The following PRKN variants were observed in gnomAD, a reference collection of about 807,000 sequenced individuals.
PRKN encodes the protein parkin RBR E3 ubiquitin protein ligase.
PRKN carries 56 observed loss-of-function variants against 59.5 expected under a neutral mutation model. That is an observed-to-expected ratio of 0.94 (90% CI 0.76 to 1.18). The LOEUF (loss-of-function observed/expected upper bound fraction) is 1.18, where lower values mean the gene tolerates loss of function less well. Among genes scored for constraint, PRKN ranks in the 50% most tolerant of loss-of-function variants. The pLI, the probability that PRKN is intolerant of heterozygous loss-of-function variation, is 0.00. For synonymous variants in PRKN, 250 were observed against 222.1 expected, an observed-to-expected ratio of 1.13 and a Z score of -1.12; for missense variants, 657 against 596.4, an observed-to-expected ratio of 1.10 and a Z score of -1.06.
In PRKN at chr6:162,258,995, AG is replaced by A. The variant is rs552551151; in HGVS notation, c.412+3529del. Among the ~76,000 whole-genome samples, 25 of 152,314 alleles carry A rather than the reference AG, an allele frequency of 1.6e-4. 1 individual carries two copies. In the South Asian group the frequency reaches 1.9e-3, roughly 11 times the overall value. ...TCGACAACATATGAGGCTACAGCCC[AG>A]CTATTCACCCATTAGAGCCCTCCCA... On this transcript the variant is annotated intron_variant, in intron 3 of 11. Coordinates refer to ENST00000366898, the MANE Select transcript of PRKN (RefSeq NM_004562.3).
intron 3 of PRKN, among the ~76,000 whole-genome samples, chr6:162,227,523 A>T (rs943984539): frequency 6.6e-6 from 1 of 152,132 alleles, no homozygotes; most frequent in South Asian, 2.1e-4. Context: ...GACACCCACA[A>T]ACACTTGTTT....
intron 1 of PRKN, among the ~76,000 whole-genome samples, chr6:162,706,509 A>C (rs976177397): frequency 1.3e-5 from 2 of 152,172 alleles, no homozygotes; most frequent in Non-Finnish European, 2.9e-5. Flanking sequence ...AAATAAGAGA[A>C]TTGGGGAAAT....
intron 2 of PRKN, among the ~76,000 whole-genome samples, chr6:162,327,637 T>C (rs1406594794): frequency 7.6e-6 from 1 of 130,890 alleles, no homozygotes; most frequent in East Asian, 2.0e-4. Context: ...ACAATGGTCT[T>C]CTCTACAGTT....
intron 6 of PRKN, among the ~76,000 whole-genome samples, chr6:161,803,318 A>G (rs1791168754): frequency 6.6e-6 from 1 of 152,066 alleles, no homozygotes; most frequent in Non-Finnish European, 1.5e-5. Context: ...TTTCCTGTCT[A>G]TTTCATTCTC....
intron 5 of PRKN, among the ~76,000 whole-genome samples, chr6:162,042,046 T>C (rs1214272303): frequency 6.6e-6 from 1 of 152,058 alleles, no homozygotes; most frequent in Non-Finnish European, 1.5e-5. Context: ...TTAGTTCTCA[T>C]GGAGCCATAG....
At chr6:162,087,626 G>A (rs954358915) in intron 4 of PRKN, among the ~76,000 whole-genome samples, 3 of 119,190 alleles carry the variant, frequency 2.5e-5, no homozygotes, top group Admixed American at 1.1e-4. Context: ...ACGGAGTCTC[G>A]CTCCGTCACC....
At chr6:161,755,383 C>T (rs1305761749) in intron 7 of PRKN, among the ~76,000 whole-genome samples, 1 of 151,986 alleles carries the variant, frequency 6.6e-6, no homozygotes, top group Admixed American at 6.6e-5. Flanking sequence ...ATCATCACTC[C>T]CAGATAGTTC....
intron 1 of PRKN, among the ~76,000 whole-genome samples, chr6:162,456,041 A>G (rs573062701): frequency 6.6e-6 from 1 of 152,284 alleles, no homozygotes; most frequent in Non-Finnish European, 1.5e-5. Flanking sequence ...AGATGGATTC[A>G]ATTGGGTTAT....
At chr6:161,778,222 T>A (rs1790043019) in intron 7 of PRKN, among the ~76,000 whole-genome samples, 1 of 152,088 alleles carries the variant, frequency 6.6e-6, no homozygotes, top group African/African-American at 2.4e-5. Context: ...TTTGTGGTGA[T>A]CAAAGTCCTT....
Position 161,957,715 on chromosome 6 carries a change from G to A in PRKN, c.734+15587C>T, listed in dbSNP as rs77138884. On this transcript the variant is annotated intron_variant, in intron 6 of 11. Coordinates refer to ENST00000366898, the MANE Select transcript of PRKN (RefSeq NM_004562.3). Reference sequence around the variant, plus strand: ...TGGGATTACAGGCGTGAGTCACCGCGCCCAGCCCATGTCTTCTCTTGATTT... The same window carrying A: ...TGGGATTACAGGCGTGAGTCACCGCACCCAGCCCATGTCTTCTCTTGATTT... 1.2e-4 allele frequency among the ~76,000 whole-genome samples: 18 copies of A among 152,154 alleles called. No homozygotes were observed. In the East Asian group the frequency reaches 2.3e-3, roughly 20 times the overall value.
intron 9 of PRKN, among the ~76,000 whole-genome samples, chr6:161,420,148 G>T (rs541851044): frequency 6.6e-6 from 1 of 150,660 alleles, no homozygotes; most frequent in Non-Finnish European, 1.5e-5. Flanking sequence ...TGAGACAGGA[G>T]AATTGCTTGA....
chr6:162,593,473 T>C (rs759323913), intron 1 of PRKN, among the ~76,000 whole-genome samples: 5 of 152,224 alleles, frequency 3.3e-5, no homozygotes, highest in East Asian at 3.9e-4. Flanking sequence ...ATATTCCTCA[T>C]GTGAAACTAT....
At chr6:161,835,392 C>T (rs1792707215) in intron 6 of PRKN, among the ~76,000 whole-genome samples, 1 of 152,216 alleles carries the variant, frequency 6.6e-6, no homozygotes, top group South Asian at 2.1e-4. Flanking sequence ...ACGTGCTTAC[C>T]CCACTCTTCC....
chr6:161,596,781 G>A (rs534680207), intron 7 of PRKN, among the ~76,000 whole-genome samples: 2 of 152,292 alleles, frequency 1.3e-5, no homozygotes, highest in East Asian at 1.9e-4. Flanking sequence ...GAATGAAAGT[G>A]CTGACCAACT....
At chr6:161,574,918 TCTC>T (rs1200651724) in intron 7 of PRKN, among the ~76,000 whole-genome samples, 2 of 152,170 alleles carry the variant, frequency 1.3e-5, no homozygotes, top group African/African-American at 4.8e-5. Flanking sequence ...AGCCTATTCT[TCTC>T]TATCTTTTCC....
intron 5 of PRKN, among the ~76,000 whole-genome samples, chr6:162,021,887 G>A (rs1046670013): frequency 3.3e-5 from 5 of 151,828 alleles, no homozygotes; most frequent in Admixed American, 6.6e-5. Flanking sequence ...TATTGTACCC[G>A]TCTTTATGTC....
chr6:161,514,504 A>G (rs1194932279), intron 9 of PRKN, among the ~76,000 whole-genome samples: 1 of 152,162 alleles, frequency 6.6e-6, no homozygotes, highest in African/African-American at 2.4e-5. Context: ...AAGGCCAGCT[A>G]TTTTGAGGAT....
chr6:161,997,938 G>A (rs1781906857), intron 5 of PRKN, among the ~76,000 whole-genome samples: 1 of 152,076 alleles, frequency 6.6e-6, no homozygotes, highest in Non-Finnish European at 1.5e-5. Flanking sequence ...CTAAAATACA[G>A]GAGCCAGGTA....
intron 1 of PRKN, among the ~76,000 whole-genome samples, chr6:162,452,515 C>A (rs990208312): frequency 6.6e-6 from 1 of 151,656 alleles, no homozygotes; most frequent in African/African-American, 2.4e-5. Flanking sequence ...TGAAGTGGAG[C>A]AATATTAACA....
Sources: allele counts gnomAD v4.1 joint callset (sites outside exome capture counted in the v4.1 genomes callset), GRCh38; gene constraint gnomAD v4.1.1; transcripts MANE v1.5; gene names NCBI Gene and HGNC (gene_info 2026-07-23, HGNC 2026-07-21).